The following SORCS2 variants were observed in gnomAD, a reference collection of about 807,000 sequenced individuals.
SORCS2 encodes the protein VPS10 domain-containing receptor SorCS2.
A neutral mutation model predicts 141.6 loss-of-function variants in SORCS2; 100 were observed. The ratio of observed to expected loss-of-function variants is 0.71; its 90% CI spans 0.60 to 0.83. SORCS2 has a LOEUF of 0.83. Ranked by LOEUF, SORCS2 falls within the 40% of genes least tolerant of loss-of-function variation. The pLI, the probability that SORCS2 is intolerant of heterozygous loss-of-function variation, is 0.00. For missense variants in SORCS2, 1,646 were observed against 1,560.2 expected, an observed-to-expected ratio of 1.05 and a Z score of -0.93; for synonymous variants, 789 against 676.9, an observed-to-expected ratio of 1.17 and a Z score of -2.57.
chr4:7,575,170 TCTC>T (rs1422559866), intron 3 of SORCS2, among the ~76,000 whole-genome samples: 25 of 152,126 alleles, frequency 1.6e-4, no homozygotes, highest in African/African-American at 5.6e-4. Flanking sequence ...CAGATGAGAC[TCTC>T]CTCCTACTTC....
chr4:7,575,680 G>C (rs1156939482), intron 3 of SORCS2, among the ~76,000 whole-genome samples: 1 of 152,202 alleles, frequency 6.6e-6, no homozygotes, highest in Non-Finnish European at 1.5e-5. Flanking sequence ...ATGACCACAC[G>C]TGGCTGGGAG....
intron 18 of SORCS2, among the ~76,000 whole-genome samples, chr4:7,718,907 A>G (rs1010105279): frequency 1.3e-5 from 2 of 152,256 alleles, no homozygotes; most frequent in African/African-American, 4.8e-5. Context: ...AATTTGTAAC[A>G]TGCTTATTTT....
intron 2 of SORCS2, among the ~76,000 whole-genome samples, chr4:7,410,919 C>T (rs941313870): frequency 1.3e-5 from 2 of 150,430 alleles, no homozygotes; most frequent in African/African-American, 4.9e-5. Flanking sequence ...CATTCCTAGC[C>T]CCTGGGCCCA....
At chr4:7,652,026 G>A (rs1209925517) in intron 4 of SORCS2, among the ~76,000 whole-genome samples, 1 of 152,206 alleles carries the variant, frequency 6.6e-6, no homozygotes, top group Non-Finnish European at 1.5e-5. Context: ...CCACATTTGC[G>A]GTAGCGTTGC....
At chr4:7,249,197 C>A (rs1281506027) in intron 1 of SORCS2, among the ~76,000 whole-genome samples, 1 of 152,100 alleles carries the variant, frequency 6.6e-6, no homozygotes, top group Admixed American at 6.6e-5. Context: ...TGAGGCTCAA[C>A]CGGGCTGGGT....
chr4:7,636,605 A>ATGTCCCGAATC (rs1288000037), intron 3 of SORCS2, among the ~76,000 whole-genome samples: 1 of 151,926 alleles, frequency 6.6e-6, no homozygotes, highest in Non-Finnish European at 1.5e-5. Flanking sequence ...TAGAGATGCG[A>ATGTCCCGAATC]TGTCCCGAAT....
intron 3 of SORCS2, among the ~76,000 whole-genome samples, chr4:7,553,379 A>G (rs1360585915): frequency 6.6e-6 from 1 of 152,254 alleles, no homozygotes; most frequent in Non-Finnish European, 1.5e-5. Context: ...AAAATGGGCC[A>G]TTACAAACAT....
At chr4:7,374,238 G>A (rs1052411830) in intron 1 of SORCS2, among the ~76,000 whole-genome samples, 7 of 149,846 alleles carry the variant, frequency 4.7e-5, no homozygotes, top group Non-Finnish European at 1.0e-4. Flanking sequence ...CCATTTGTGG[G>A]AACCACTATA....
In SORCS2 at chr4:7,740,388, G is replaced by A. The variant is rs1235978227; in HGVS notation, c.*124G>A. On this transcript the variant is annotated 3_prime_UTR_variant, in exon 27 of 27. Transcript: ENST00000507866. ...CCTCCCTGAGTCGTCGCCACACCAG[G>A]CGACAGGCACCACCCCCTCTGATAA... 9 of 844,468 alleles carry A rather than the reference G, an allele frequency of 1.1e-5. No individual in the cohort carries two copies. Among genetic ancestry groups the A allele is most frequent in the Admixed American group, 8.4e-5 (4 of 47,752 alleles). The allele number at this position is 844,468 out of a possible 1,614,324, so 52.3% of individuals were successfully genotyped here.
intron 2 of SORCS2, among the ~76,000 whole-genome samples, chr4:7,525,467 C>T (rs1330536544): frequency 6.6e-6 from 1 of 152,042 alleles, no homozygotes; most frequent in African/African-American, 2.4e-5. Context: ...AACCGTGCTT[C>T]ACCCGGGGGC....
intron 9 of SORCS2, among the ~76,000 whole-genome samples, chr4:7,679,826 C>G (rs984400694): frequency 6.7e-6 from 1 of 150,208 alleles, no homozygotes; most frequent in Non-Finnish European, 1.5e-5. Context: ...CAGAGACACA[C>G]TGATATTCTA....
chr4:7,531,243 G>A (rs563626060), intron 2 of SORCS2, among the ~76,000 whole-genome samples: 2 of 152,350 alleles, frequency 1.3e-5, no homozygotes, highest in South Asian at 4.1e-4. Context: ...GAGGCATGGG[G>A]GAGGAATGAC....
At chr4:7,231,900 G>A (rs1458549844) in intron 1 of SORCS2, among the ~76,000 whole-genome samples, 4 of 152,186 alleles carry the variant, frequency 2.6e-5, no homozygotes, top group African/African-American at 9.6e-5. Flanking sequence ...CTCTCGGGGT[G>A]GGGATGAGAC....
At chr4:7,314,917 T>C (rs1354792747) in intron 1 of SORCS2, among the ~76,000 whole-genome samples, 2 of 150,828 alleles carry the variant, frequency 1.3e-5, no homozygotes, top group African/African-American at 4.9e-5. Flanking sequence ...CTGCAACCTC[T>C]GCCTCCAGGG....
chr4:7,505,671 C>T (rs750097791), intron 2 of SORCS2, among the ~76,000 whole-genome samples: 67 of 152,266 alleles, frequency 4.4e-4, no homozygotes, highest in Admixed American at 1.1e-3. Context: ...CAGATACCCC[C>T]GAGAGCCTGG....
chr4:7,375,114 C>T (rs1053776521), intron 1 of SORCS2, among the ~76,000 whole-genome samples: 2 of 152,196 alleles, frequency 1.3e-5, no homozygotes, highest in African/African-American at 2.4e-5. Flanking sequence ...GCTGCCTTGT[C>T]TAACTCTGGC....
chr4:7,403,961 G>GTATGTATATATATATA (rs1724757831), intron 2 of SORCS2, among the ~76,000 whole-genome samples: 4 of 29,896 alleles, frequency 1.3e-4, no homozygotes, highest in East Asian at 8.7e-4. Flanking sequence ...CTCCATGTGT[G>GTATGTATATATATATA]TATATATATA....
At chr4:7,198,243 T>G (rs1311026490) in intron 1 of SORCS2, among the ~76,000 whole-genome samples, 1 of 152,124 alleles carries the variant, frequency 6.6e-6, no homozygotes, top group Non-Finnish European at 1.5e-5. Flanking sequence ...TCCTGGGTGG[T>G]GCTGGGCTTC....
intron 2 of SORCS2, among the ~76,000 whole-genome samples, chr4:7,419,946 T>C (rs1053644332): frequency 6.6e-6 from 1 of 152,248 alleles, no homozygotes; most frequent in African/African-American, 2.4e-5. Flanking sequence ...GCAGCTCTTC[T>C]CTGAGCATTG....
Sources: allele counts gnomAD v4.1 joint callset (sites outside exome capture counted in the v4.1 genomes callset), GRCh38; gene constraint gnomAD v4.1.1; transcripts MANE v1.5; gene names NCBI Gene and HGNC (gene_info 2026-07-23, HGNC 2026-07-21).